The following TIAM1 variants were observed in gnomAD, a reference collection of about 807,000 sequenced individuals.
TIAM1 encodes the protein rho guanine nucleotide exchange factor TIAM1.
In TIAM1, 65 loss-of-function variants were observed where a neutral mutation model predicts 163.5. The ratio of observed to expected loss-of-function variants is 0.40; its 90% CI spans 0.33 to 0.49. The LOEUF is 0.49. Among genes scored for constraint, TIAM1 ranks in the 20% least tolerant of loss-of-function variants. The pLI, the probability that TIAM1 is intolerant of heterozygous loss-of-function variation, is 0.77. For synonymous variants in TIAM1, 833 were observed against 810.1 expected, an observed-to-expected ratio of 1.03 and a Z score of -0.48; for missense variants, 1,789 against 2,044.7, an observed-to-expected ratio of 0.87 and a Z score of 2.41.
intron 2 of TIAM1, chr21:31,453,371 C>G (rs1407049287): frequency 6.4e-6 from 1 of 157,418 alleles, no homozygotes; most frequent in African/African-American, 2.4e-5. Context: ...GGAGAACGGC[C>G]TCTAAGCACT....
At chr21:31,501,789 G>C (rs2046859937) in intron 1 of TIAM1, among the ~76,000 whole-genome samples, 1 of 152,168 alleles carries the variant, frequency 6.6e-6, no homozygotes, top group Non-Finnish European at 1.5e-5. Context: ...TTTTAGTAGA[G>C]ACGGAGTTTC....
intron 1 of TIAM1, among the ~76,000 whole-genome samples, chr21:31,500,978 T>G (rs2046828653): frequency 6.6e-6 from 1 of 152,194 alleles, no homozygotes; most frequent in Admixed American, 6.5e-5. Flanking sequence ...AACAGGACAC[T>G]TTTACAAAGG....
intron 25 of TIAM1, among the ~76,000 whole-genome samples, chr21:31,128,463 A>T (rs2082292026): frequency 6.6e-6 from 1 of 152,190 alleles, no homozygotes; most frequent in Non-Finnish European, 1.5e-5. Context: ...AACGCAGGCG[A>T]AATTCCTGGC....
intron 1 of TIAM1, among the ~76,000 whole-genome samples, chr21:31,472,013 TGTGTCA>T (rs1433383382): frequency 2.0e-5 from 3 of 152,094 alleles, no homozygotes; most frequent in African/African-American, 7.2e-5. Flanking sequence ...CTTTTCCAGC[TGTGTCA>T]GTGTCCTCAG....
chr21:31,540,035 T>TA (rs938502368), intron 1 of TIAM1, among the ~76,000 whole-genome samples: 117 of 113,488 alleles, frequency 1.0e-3, no homozygotes, highest in African/African-American at 3.1e-3. Flanking sequence ...CAAAAAAACA[T>TA]AAAAAAAAAA....
chr21:31,145,462 AATCAAACTTT>A (rs1166536081), intron 20 of TIAM1, among the ~76,000 whole-genome samples: 1 of 152,198 alleles, frequency 6.6e-6, no homozygotes, highest in African/African-American at 2.4e-5. Flanking sequence ...GATTCTTTAA[AATCAAACTTT>A]CTGTTGGTGC....
intron 2 of TIAM1, among the ~76,000 whole-genome samples, chr21:31,369,886 G>A (rs1446166337): frequency 6.6e-6 from 1 of 152,162 alleles, no homozygotes; most frequent in African/African-American, 2.4e-5. Flanking sequence ...TCAGGAGGCT[G>A]AGGCAGGAGA....
intron 1 of TIAM1, among the ~76,000 whole-genome samples, chr21:31,508,796 C>G (rs1440129993): frequency 1.3e-5 from 2 of 152,140 alleles, no homozygotes. Context: ...GAGATCCTAG[C>G]GTTGAAGTGG....
At chr21:31,449,233 G>A (rs1032617434) in intron 2 of TIAM1, among the ~76,000 whole-genome samples, 1 of 152,040 alleles carries the variant, frequency 6.6e-6, no homozygotes, top group Non-Finnish European at 1.5e-5. Flanking sequence ...CCAAAGTGCT[G>A]GGATCACAGG....
intron 2 of TIAM1, among the ~76,000 whole-genome samples, chr21:31,415,630 T>C (rs1160206018): frequency 6.6e-6 from 1 of 152,216 alleles, no homozygotes; most frequent in African/African-American, 2.4e-5. Context: ...TTCTCCACTA[T>C]ATGAAGAAAT....
intron 2 of TIAM1, among the ~76,000 whole-genome samples, chr21:31,425,864 T>A (rs1482386006): frequency 4.0e-5 from 6 of 151,720 alleles, no homozygotes. Context: ...ACCCACCTAA[T>A]TTTTTGTACT....
At chr21:31,455,418 T>A (rs1016478771) in intron 2 of TIAM1, among the ~76,000 whole-genome samples, 2 of 80,762 alleles carry the variant, frequency 2.5e-5, no homozygotes, top group Non-Finnish European at 5.7e-5. Context: ...TAATTTTAAT[T>A]TTTTTTTTTT....
At chr21:31,502,804 G>T (rs2147450590) in intron 1 of TIAM1, among the ~76,000 whole-genome samples, 1 of 152,286 alleles carries the variant, frequency 6.6e-6, no homozygotes, top group Admixed American at 6.5e-5. Flanking sequence ...CTCCAATTTT[G>T]GTTGCCAGCC....
At chr21:31,181,733 C>G in intron 15 of TIAM1, among the ~76,000 whole-genome samples, 1 of 116,984 alleles carries the variant, frequency 8.5e-6, no homozygotes, top group African/African-American at 3.2e-5. Flanking sequence ...ATGTGATTCC[C>G]AGCACTTCTT....
intron 6 of TIAM1, among the ~76,000 whole-genome samples, chr21:31,234,378 GGA>G (rs1170533091): frequency 0.084 from 11,408 of 135,608 alleles, 1,803 homozygotes; most frequent in African/African-American, 0.32. Context: ...AAGGAAGGAA[GGA>G]AGGGAGGGAG....
intron 1 of TIAM1, among the ~76,000 whole-genome samples, chr21:31,470,818 C>T (rs1251461015): frequency 1.3e-5 from 2 of 152,122 alleles, no homozygotes; most frequent in African/African-American, 2.4e-5. Flanking sequence ...AGAGAGGAAC[C>T]GGCAGGTGGT....
chr21:31,424,504 T>C (rs757723375), intron 2 of TIAM1, among the ~76,000 whole-genome samples: 2 of 152,160 alleles, frequency 1.3e-5, no homozygotes, highest in Non-Finnish European at 2.9e-5. Flanking sequence ...TGGATGAACC[T>C]TGAAGACATT....
chr21:31,331,571 A>G (rs2062133495), intron 2 of TIAM1, among the ~76,000 whole-genome samples: 1 of 152,236 alleles, frequency 6.6e-6, no homozygotes, highest in African/African-American at 2.4e-5. Flanking sequence ...ATCTCCGGCT[A>G]TGCCACACCA....
intron 2 of TIAM1, among the ~76,000 whole-genome samples, chr21:31,338,835 C>G (rs570325442): frequency 5.9e-5 from 9 of 152,226 alleles, no homozygotes; most frequent in Non-Finnish European, 1.3e-4. Flanking sequence ...AATGCTTACC[C>G]TGTCGCATTG....
Sources: allele counts gnomAD v4.1 joint callset (sites outside exome capture counted in the v4.1 genomes callset), GRCh38; gene constraint gnomAD v4.1.1; transcripts MANE v1.5; gene names NCBI Gene and HGNC (gene_info 2026-07-23, HGNC 2026-07-21).